The following RABGEF1 variants were observed in gnomAD, a reference collection of about 807,000 sequenced individuals.
RABGEF1 encodes the protein rab5 GDP/GTP exchange factor.
Under a neutral mutation model 57.3 loss-of-function variants are expected in RABGEF1, and 26 were observed. The observed-to-expected ratio is 0.45, with a 90% CI of 0.33 to 0.63. RABGEF1 has a LOEUF of 0.63. Among genes scored for constraint, RABGEF1 ranks in the 20% least tolerant of loss-of-function variants. The probability of loss-of-function intolerance (pLI) is 0.02; values close to 1 mark genes in which losing one functional copy is unlikely to be tolerated. For synonymous variants in RABGEF1, 185 were observed against 210.7 expected (o/e 0.88, Z 1.06); for missense variants, 464 against 607.6 (o/e 0.76, Z 2.48).
chr7:66,783,766 C>G lies in RABGEF1; in HGVS notation c.438C>G (p.Leu146=). ...DRVSKEFIEF[L]KTFHKTGQEI... is the part of the protein sequence containing the mutation. ...TGTCTAAGGAGTTCATAGAATTTCT[C>G]AAGACCTTCCACAAGACAGGCCAAG... Residue 146 remains leucine, a synonymous_variant, in exon 4 of 9, where the codon CTC becomes CTG. Coordinates refer to ENST00000284957, the MANE Select transcript of RABGEF1 (RefSeq NM_014504.3). The G allele has an allele frequency of 6.2e-7, 1 of 1,613,670 alleles. No homozygotes were observed. Among genetic ancestry groups the G allele is most frequent in the Non-Finnish European group, 8.5e-7 (1 of 1,179,700 alleles).
Position 66,756,268 on chromosome 7 carries a change from T to G in RABGEF1, c.-18+15476T>G, listed in dbSNP as rs141821372. Among the ~76,000 whole-genome samples the G allele has an allele frequency of 1.2e-3, 184 of 152,254 alleles. 1 individual carries two copies. The South Asian group carries it at 0.02, about 17-fold the overall frequency. ...GTTTGCCTGTCAGATTGACAAAAAA[T>G]TAAAGTTCGATAATGCTATGCTTAT... On this transcript the variant is annotated intron_variant, in intron 1 of 8. Transcript: ENST00000284957.
At chr7:66,712,531 C>T (rs533891155) in intron 2 of RABGEF1, among the ~76,000 whole-genome samples, 7 of 149,346 alleles carry the variant, frequency 4.7e-5, no homozygotes, top group Non-Finnish European at 7.5e-5. Context: ...AGTGCAGTGT[C>T]GTGATCACAG....
upstream of RABGEF1, among the ~76,000 whole-genome samples, chr7:66,737,049 G>GGGGAGA (rs1798036747): frequency 7.3e-6 from 1 of 137,824 alleles, no homozygotes; most frequent in Admixed American, 7.5e-5. Context: ...ATATATGAGG[G>GGGGAGA]GGGAGAGAGA....
At chr7:66,746,454 A>T (rs567836533) in intron 1 of RABGEF1, among the ~76,000 whole-genome samples, 1 of 149,694 alleles carries the variant, frequency 6.7e-6, no homozygotes, top group African/African-American at 2.5e-5. Context: ...TACCCAGCTA[A>T]TTTTTTTTGT....
intron 1 of RABGEF1, among the ~76,000 whole-genome samples, chr7:66,702,780 A>G (rs970554142): frequency 5.3e-5 from 8 of 152,032 alleles, no homozygotes; most frequent in Non-Finnish European, 7.4e-5. Context: ...TTTTCCTTAT[A>G]GAAATGTCTA....
At chr7:66,667,923 T>G in the RABGEF1 span, among the ~76,000 whole-genome samples, 2 of 152,000 alleles carry the variant, frequency 1.3e-5, no homozygotes, top group Admixed American at 6.6e-5. Flanking sequence ...TCAGCCTCCC[T>G]AGTAGCTGGA....
intron 2 of RABGEF1, among the ~76,000 whole-genome samples, chr7:66,712,857 C>T (rs1472675898): frequency 6.6e-6 from 1 of 151,906 alleles, no homozygotes; most frequent in African/African-American, 2.4e-5. Context: ...CTTAGTCACC[C>T]AGGCTGGAGT....
rs560079940 is a variant in RABGEF1 at position 66,766,588 on chromosome 7, A to G, written c.-17-5295A>G. Among the ~76,000 whole-genome samples the G allele has an allele frequency of 3.3e-5, 5 of 152,278 alleles. No individual in the cohort carries two copies. The East Asian group carries it at 7.7e-4, about 23-fold the overall frequency. On this transcript the variant is annotated intron_variant, in intron 1 of 8. Transcript: ENST00000284957. Reference sequence around the variant, plus strand: ...TAACCTTGTAGAGGAAGTAAACAGTAAACTTGAGAGTTTTTTCTAATTAGA... The same window carrying G: ...TAACCTTGTAGAGGAAGTAAACAGTGAACTTGAGAGTTTTTTCTAATTAGA...
intron 1 of RABGEF1, among the ~76,000 whole-genome samples, chr7:66,689,798 G>A (rs1261308515): frequency 4.8e-5 from 7 of 146,570 alleles, no homozygotes; most frequent in African/African-American, 1.5e-4. Flanking sequence ...GCAAGACTTC[G>A]TCTCAAAAAA....
chr7:66,709,364 A>G (rs1291056208), intron 1 of RABGEF1, among the ~76,000 whole-genome samples: 1 of 152,222 alleles, frequency 6.6e-6, no homozygotes, highest in Non-Finnish European at 1.5e-5. Context: ...TAATTAAATC[A>G]TAATGGAAAT....
chr7:66,755,821 C>T lies in RABGEF1; in HGVS notation c.-18+15029C>T, dbSNP rs180931576. ...CTCATTCCTTGAGAATGCTCCCCTGCTTGCTCTGCTCATTCCAGCAGCAAT... is the reference window on the plus strand; with the variant it reads ...CTCATTCCTTGAGAATGCTCCCCTGTTTGCTCTGCTCATTCCAGCAGCAAT... On this transcript the variant is annotated intron_variant, in intron 1 of 8. Transcript: ENST00000284957. 5.5e-4 allele frequency: 216 copies of T among 391,058 alleles called. 3 individuals carry two copies. The East Asian group carries it at 8.8e-3, about 16-fold the overall frequency. The allele number at this position is 391,058 out of a possible 1,614,324, so 24.2% of individuals were successfully genotyped here.
At chr7:66,727,192 G>A (rs1246215453) in intron 2 of RABGEF1, among the ~76,000 whole-genome samples, 1 of 152,196 alleles carries the variant, frequency 6.6e-6, no homozygotes, top group Non-Finnish European at 1.5e-5. Flanking sequence ...GGGGTTGGCT[G>A]TAGAATCGGG....
At chr7:66,782,986 G>A (rs1430867420) in intron 3 of RABGEF1, among the ~76,000 whole-genome samples, 1 of 152,164 alleles carries the variant, frequency 6.6e-6, no homozygotes, top group Non-Finnish European at 1.5e-5. Flanking sequence ...TGTCTCTTGT[G>A]TAAATGTCCC....
intron 1 of RABGEF1, among the ~76,000 whole-genome samples, chr7:66,711,656 G>T (rs551038221): frequency 2.0e-5 from 3 of 151,484 alleles, no homozygotes; most frequent in Non-Finnish European, 4.4e-5. Context: ...GCACAATCTC[G>T]GCTCGCTGCA....
the RABGEF1 span, chr7:66,665,072 GCTT>G: frequency 6.6e-6 from 1 of 152,344 alleles, no homozygotes; most frequent in East Asian, 1.9e-4. Flanking sequence ...CCGAGTGCCG[GCTT>G]CTTGGTTCCA....
At chr7:66,774,093 A>G (rs1184749092) in intron 2 of RABGEF1, 1 of 222,912 alleles carries the variant, frequency 4.5e-6, no homozygotes, top group Non-Finnish European at 9.2e-6. Context: ...AATTAATGGC[A>G]TCACTACTTA....
chr7:66,767,087 C>A (rs559003008), intron 1 of RABGEF1, among the ~76,000 whole-genome samples: 10 of 151,086 alleles, frequency 6.6e-5, no homozygotes, highest in African/African-American at 2.4e-4. Flanking sequence ...ACTGCAACCT[C>A]CATCTCCCCG....
At chr7:66,681,733 A>G (rs1275364817), upstream of RABGEF1, among the ~76,000 whole-genome samples, 1 of 152,168 alleles carries the variant, frequency 6.6e-6, no homozygotes. Flanking sequence ...GTCACATCCT[A>G]GGATCCGCGA....
At chr7:66,797,320 A>G (rs73139960) in intron 5 of RABGEF1, 54 bp from the exon 6 acceptor site, 27,566 of 1,161,802 alleles carry the variant, frequency 0.024, 303 homozygotes, top group Middle Eastern at 0.029. Flanking sequence ...AAAAAAAAAA[A>G]AGAGAGAGAA....
Sources: allele counts gnomAD v4.1 joint callset (sites outside exome capture counted in the v4.1 genomes callset), GRCh38; gene constraint gnomAD v4.1.1; transcripts MANE v1.5; gene names NCBI Gene and HGNC (gene_info 2026-07-23, HGNC 2026-07-21).